Variants in CEP170 observed in about 807,000 individuals in gnomAD.
CEP170 encodes the protein centrosomal protein 170, also known as centrosomal protein of 170 kDa.
A neutral mutation model predicts 151.9 loss-of-function variants in CEP170; 21 were observed. The observed-to-expected ratio is 0.14, with a 90% confidence interval of 0.10 to 0.20. CEP170 has a LOEUF of 0.20. Among genes scored for constraint, CEP170 ranks in the 10% least tolerant of loss-of-function variants. The pLI is 1.00. For missense variants in CEP170, 964 were observed against 1,892.9 expected, an observed-to-expected ratio of 0.51 and a Z score of 9.11; for synonymous variants, 356 against 648.8, an observed-to-expected ratio of 0.55 and a Z score of 6.86.
chr1:243,221,214 G>A (rs924551516), intron 3 of CEP170, among the ~76,000 whole-genome samples: 3 of 152,072 alleles, frequency 2.0e-5, no homozygotes, highest in African/African-American at 7.2e-5. Flanking sequence ...TTAGTAGAGA[G>A]GGGGTTCACC....
Position 243,165,790 on chromosome 1 carries a change from T to G in CEP170, c.2170A>C (p.Ser724Arg), listed in dbSNP as rs562720180. 3 of 1,614,044 alleles carry G rather than the reference T, an allele frequency of 1.9e-6. No homozygotes were observed. The highest frequency in any genetic ancestry group is 1.7e-6 in the Non-Finnish European group (2 of 1,179,890). Residue 724 changes from serine (S) to arginine (R), a missense_variant, in exon 13 of 20, where the codon AGC becomes CGC. Physicochemically the swap from Ser to Arg is moderately radical, Grantham distance 110. Coordinates refer to ENST00000366542, the MANE Select transcript of CEP170 (RefSeq NM_014812.3). ...CTTTTCTCTTTTCCAGGAGCAGAGC[T>G]GCCTAAGTGAAGTAGGGTTTTATTA... ...GDNKTLLHLG[S>R]SAPGKEKSET...
chr1:243,152,589 C>T (rs1337235673), intron 14 of CEP170, among the ~76,000 whole-genome samples: 5 of 121,882 alleles, frequency 4.1e-5, no homozygotes, highest in African/African-American at 9.4e-5. Context: ...TGGAGTGCAG[C>T]GGCACAATCT....
intron 13 of CEP170, among the ~76,000 whole-genome samples, chr1:243,163,985 T>C (rs1049791177): frequency 1.3e-5 from 2 of 152,142 alleles, no homozygotes; most frequent in African/African-American, 4.8e-5. Context: ...CACATCCAAA[T>C]ATAGCACCAA....
chr1:243,171,465 CTTTTA>C (rs1317635717), intron 11 of CEP170, among the ~76,000 whole-genome samples: 1 of 151,880 alleles, frequency 6.6e-6, no homozygotes, highest in African/African-American at 2.4e-5. Context: ...TGATTTTCTT[CTTTTA>C]TATTTTTTCT....
Position 243,157,307 on chromosome 1 carries a change from A to G in CEP170, c.3677-852T>C, listed in dbSNP as rs150733303. On this transcript the variant is annotated intron_variant, in intron 13 of 19. Transcript: ENST00000366542. ...GTATTGCTCACACATTTAAAAAATC[A>G]GAAGACAAGGCAGACACTTTACTAC... Among the ~76,000 whole-genome samples, 554 of 152,360 alleles carry G rather than the reference A, an allele frequency of 3.6e-3. 1 individual carries two copies. Among genetic ancestry groups the G allele is most frequent in the African/African-American group, 0.013 (526 of 41,588 alleles).
rs1474213876 is a variant in CEP170, at chr1:243,200,799, C to G, written c.311G>C (p.Arg104Thr). 3.1e-6 allele frequency: 5 copies of G among 1,611,270 alleles called. No homozygotes were observed. Among genetic ancestry groups the G allele is most frequent in the Non-Finnish European group, 4.2e-6 (5 of 1,178,968 alleles). ...NLFTVVQGEM[R>T]VPEEALKHEK... ...TACCTTAAGAGCTTCTTCAGGGACC[C>G]TCATTTCTCCTTGTACTACAGTGAA... The change falls in exon 5 of 20, where the codon AGG (arginine) becomes ACG (threonine). Residue 104 changes from arginine (R) to threonine (T), a missense_variant. Transcript: ENST00000366542.
At chr1:243,161,459 T>A (rs368037027) in intron 13 of CEP170, among the ~76,000 whole-genome samples, 1 of 152,064 alleles carries the variant, frequency 6.6e-6, no homozygotes, top group East Asian at 1.9e-4. Flanking sequence ...TTTTATCACA[T>A]ACATTTCTTT....
At chr1:243,141,832 A>G (rs2055868627) in intron 15 of CEP170, among the ~76,000 whole-genome samples, 1 of 152,242 alleles carries the variant, frequency 6.6e-6, no homozygotes, top group African/African-American at 2.4e-5. Context: ...CAATTTTTCA[A>G]AATATCTTTA....
chr1:243,221,515 T>G (rs1208858938), intron 3 of CEP170: 1 of 499,922 alleles, frequency 2.0e-6, no homozygotes, highest in Non-Finnish European at 3.5e-6. Context: ...AACCACCTTC[T>G]GGATTCATCT....
At chr1:243,160,173 C>A (rs1268064718) in intron 13 of CEP170, among the ~76,000 whole-genome samples, 2 of 152,054 alleles carry the variant, frequency 1.3e-5, no homozygotes, top group East Asian at 3.9e-4. Context: ...AAATTTATTT[C>A]TTTCTCTTGA....
chr1:243,196,531 CTGTA>C (rs2060659507), intron 7 of CEP170, among the ~76,000 whole-genome samples: 1 of 152,206 alleles, frequency 6.6e-6, no homozygotes, highest in African/African-American at 2.4e-5. Flanking sequence ...ATACACTTCA[CTGTA>C]TGTTAGAAGT....
chr1:243,221,082 T>C (rs370525414), intron 3 of CEP170, among the ~76,000 whole-genome samples: 35 of 152,298 alleles, frequency 2.3e-4, no homozygotes, highest in African/African-American at 7.2e-4. Context: ...TGGAGTGCAG[T>C]GGCGCTGTCT....
chr1:243,194,406 T>C (rs2060507270), intron 7 of CEP170, among the ~76,000 whole-genome samples: 1 of 152,018 alleles, frequency 6.6e-6, no homozygotes, highest in Admixed American at 6.6e-5. Flanking sequence ...TGATGATTGA[T>C]GATTTTGAGT....
intron 13 of CEP170, among the ~76,000 whole-genome samples, chr1:243,164,063 G>C (rs1318290545): frequency 6.6e-6 from 1 of 152,024 alleles, no homozygotes; most frequent in Non-Finnish European, 1.5e-5. Flanking sequence ...TTTGCGCCAG[G>C]ACTCTAATTG....
At chr1:243,230,194 TA>T (rs1193293778) in intron 1 of CEP170, among the ~76,000 whole-genome samples, 29 of 140,200 alleles carry the variant, frequency 2.1e-4, no homozygotes, top group African/African-American at 2.4e-4. Flanking sequence ...CTATGAAAAA[TA>T]AAAAAAAAAA....
At chr1:243,204,024 T>A (rs1338747706) in intron 4 of CEP170, among the ~76,000 whole-genome samples, 1 of 152,180 alleles carries the variant, frequency 6.6e-6, no homozygotes. Flanking sequence ...AACATAGTTT[T>A]CAAACAACTG....
At chr1:243,184,739 T>C (rs1456011420) in intron 10 of CEP170, among the ~76,000 whole-genome samples, 4 of 151,996 alleles carry the variant, frequency 2.6e-5, no homozygotes, top group Non-Finnish European at 5.9e-5. Context: ...TATCTTATCT[T>C]GCCCTCCTCC....
intron 14 of CEP170, among the ~76,000 whole-genome samples, chr1:243,154,421 T>C (rs1483478999): frequency 1.3e-5 from 2 of 152,228 alleles, no homozygotes; most frequent in African/African-American, 4.8e-5. Flanking sequence ...TTATCACTGC[T>C]CTATAGAAAC....
At position 243,156,386 on chromosome 1, in the gene CEP170, C is replaced by T. The variant is rs748063951; in HGVS notation, c.3746G>A (p.Arg1249His). 9.6e-6 allele frequency: 15 copies of T among 1,558,014 alleles called. No homozygotes were observed. Among genetic ancestry groups the T allele is most frequent in the African/African-American group, 2.7e-5 (2 of 72,990 alleles). Reference protein sequence around the residue: ...STSEDEFGSNRNSPKHTRLRT... With the variant: ...STSEDEFGSNHNSPKHTRLRT... ...TAGACGGGTATGTTTAGGGGAATTA[C>T]GGTTTGATCCAAATTCATCTTCTGA... The change falls in exon 14 of 20, where the codon CGT becomes CAT. Residue 1249 changes from arginine to histidine, a missense_variant. Transcript: ENST00000366542.
Sources: allele counts gnomAD v4.1 joint callset (sites outside exome capture counted in the v4.1 genomes callset), GRCh38; gene constraint gnomAD v4.1.1; transcripts MANE v1.5; gene names NCBI Gene and HGNC (gene_info 2026-07-23, HGNC 2026-07-21).